The following USP30 variants were observed in gnomAD, a reference collection of about 807,000 sequenced individuals.
USP30 encodes ubiquitin specific peptidase 30, also known as ubiquitin carboxyl-terminal hydrolase 30.
A neutral mutation model predicts 68.2 loss-of-function variants in USP30; 41 were observed. The observed-to-expected ratio is 0.60, with a 90% CI of 0.47 to 0.78. The LOEUF is 0.78. USP30 is among the 30% of genes least tolerant of loss of function. The pLI is 0.00. For synonymous variants in USP30, 229 were observed against 253.7 expected (o/e 0.90, Z 0.93); for missense variants, 522 against 649.4 (o/e 0.80, Z 2.13).
intron 3 of USP30, among the ~76,000 whole-genome samples, chr12:109,045,711 G>C (rs1451491746): frequency 6.6e-6 from 1 of 152,168 alleles, no homozygotes; most frequent in Admixed American, 6.5e-5. Flanking sequence ...GGTCTTGTCG[G>C]TAACAAGTTT....
chr12:109,074,956 G>A (rs1306538026), intron 7 of USP30, among the ~76,000 whole-genome samples: 1 of 152,208 alleles, frequency 6.6e-6, no homozygotes, highest in Non-Finnish European at 1.5e-5. Flanking sequence ...ATAGGTATGA[G>A]ATCAGGTGGT....
intron 3 of USP30, among the ~76,000 whole-genome samples, chr12:109,059,579 T>C (rs2040993075): frequency 6.6e-6 from 1 of 152,168 alleles, no homozygotes. Context: ...AGTAGCACGA[T>C]CTCAGCTCAC....
At chr12:109,034,879 G>T (rs2040508121) in intron 3 of USP30, among the ~76,000 whole-genome samples, 1 of 150,620 alleles carries the variant, frequency 6.6e-6, no homozygotes, top group Admixed American at 6.6e-5. Flanking sequence ...AAGATTTTTT[G>T]GTTTTGAGTA....
chr12:109,068,475 G>T (rs1204913515), intron 4 of USP30, among the ~76,000 whole-genome samples: 1 of 151,486 alleles, frequency 6.6e-6, no homozygotes, highest in African/African-American at 2.5e-5. Context: ...TTATTCTGAA[G>T]CCACAGGTCA....
chr12:109,031,577 A>G (rs1349308520), intron 3 of USP30, among the ~76,000 whole-genome samples: 2 of 152,258 alleles, frequency 1.3e-5, no homozygotes, highest in Non-Finnish European at 2.9e-5. Flanking sequence ...TATTCACAAT[A>G]GCCAAACAGT....
In USP30 at chr12:109,070,476, C is replaced by G. The variant is rs1378083935; in HGVS notation, c.481-1136C>G. On this transcript the variant is annotated intron_variant, in intron 4 of 12. Coordinates refer to ENST00000257548, the MANE Select transcript of USP30 (RefSeq NM_032663.5). The surrounding 1 kb of genome is among the most constrained non-coding windows in gnomAD (Gnocchi z 4.0). ...GAATAAGCTGGATATGTTCAAGGAACAGCAAAGAGGCCAGGGGCCGGGACA... is the reference window on the plus strand; with the variant it reads ...GAATAAGCTGGATATGTTCAAGGAAGAGCAAAGAGGCCAGGGGCCGGGACA... 6.6e-6 allele frequency among the ~76,000 whole-genome samples: 1 copy of G among 152,020 alleles called. No homozygotes were observed. Among genetic ancestry groups the G allele is most frequent in the Non-Finnish European group, 1.5e-5 (1 of 67,990 alleles).
At chr12:109,025,057 C>A (rs142196889) in exon 2 of USP30, 55 of 152,360 alleles carry the variant, frequency 3.6e-4, no homozygotes, top group African/African-American at 1.2e-3. Context: ...CCAGACAGAA[C>A]AGAAACAGAG....
At chr12:109,038,970 T>C (rs1249686326) in intron 3 of USP30, among the ~76,000 whole-genome samples, 2 of 152,260 alleles carry the variant, frequency 1.3e-5, no homozygotes. Flanking sequence ...TTTCTTCTTA[T>C]TGAATTGCAA....
At chr12:109,073,959 C>A (rs917472909) in intron 7 of USP30, among the ~76,000 whole-genome samples, 1 of 152,156 alleles carries the variant, frequency 6.6e-6, no homozygotes, top group Non-Finnish European at 1.5e-5. Flanking sequence ...TTACTGACTC[C>A]GGGATCAGTC....
At chr12:109,060,079 A>G (rs989022603) in intron 3 of USP30, 1 of 152,242 alleles carries the variant, frequency 6.6e-6, no homozygotes, top group African/African-American at 2.4e-5. Flanking sequence ...GGAAAATGAT[A>G]AAGTAATCGA....
intron 3 of USP30, among the ~76,000 whole-genome samples, chr12:109,058,935 G>A (rs906826206): frequency 6.6e-6 from 1 of 152,216 alleles, no homozygotes; most frequent in Non-Finnish European, 1.5e-5. Context: ...GTGTAACTTA[G>A]TGCCACTTTT....
Position 109,038,234 on chromosome 12 carries a change from T to C in USP30, c.-135-9356T>C, listed in dbSNP as rs2040536344. On this transcript the variant is annotated intron_variant, in intron 3 of 15. Coordinates refer to the USP30 transcript ENST00000392784. ...CCCTCCCCACCTGCCAGTTTCCATG[T>C]GTTCTCACCATGCAGCTCCCAATTG... 3.8e-5 allele frequency among the ~76,000 whole-genome samples: 5 copies of C among 133,120 alleles called. No homozygotes were observed. In the South Asian group the frequency reaches 1.2e-3, roughly 33 times the overall value. 87.3% of individuals were successfully genotyped at this position (133,120 alleles called of 152,430 possible).
intron 11 of USP30, among the ~76,000 whole-genome samples, chr12:109,084,749 T>C (rs2041900047): frequency 1.3e-5 from 2 of 152,260 alleles, no homozygotes; most frequent in Non-Finnish European, 1.5e-5. Flanking sequence ...AGATACACTT[T>C]TCCTATTTGG....
intron 3 of USP30, among the ~76,000 whole-genome samples, chr12:109,058,566 C>A: frequency 1.0e-5 from 1 of 97,296 alleles, no homozygotes; most frequent in African/African-American, 3.8e-5. Flanking sequence ...GAGCGAAACT[C>A]CGTCTCAAAA....
rs1220695564 is a variant in USP30, at chr12:109,086,330, A to G, written c.*399A>G. On this transcript the variant is annotated 3_prime_UTR_variant, in exon 13 of 13. Transcript: ENST00000257548. ...TATTTTTAATAAGCAGGCCCATAAA[A>G]ATTGTTGACAAGAATTAATGAAATT... The G allele has an allele frequency of 1.2e-5, 2 of 163,768 alleles. No homozygotes were observed. Among genetic ancestry groups the G allele is most frequent in the Non-Finnish European group, 2.6e-5 (2 of 75,614 alleles). 10.1% of individuals were successfully genotyped at this position (163,768 alleles called of 1,614,324 possible).
intron 7 of USP30, among the ~76,000 whole-genome samples, chr12:109,079,353 T>TTTTTTTTTTTTTTTTTTTTTTTTTTC (rs1406871922): frequency 3.8e-5 from 3 of 79,318 alleles, no homozygotes; most frequent in South Asian, 5.3e-4. Flanking sequence ...TTTTTTTTCT[T>TTTTTTTTTTTTTTTTTTTTTTTTTTC]TTTTTTTTTT....
At chr12:109,060,049 G>A (rs2041014932) in intron 3 of USP30, 1 of 152,206 alleles carries the variant, frequency 6.6e-6, no homozygotes, top group Non-Finnish European at 1.5e-5. Flanking sequence ...GCCGGGTAGT[G>A]GTTGGCTAGC....
At chr12:109,050,829 AC>A (rs2040656964), upstream of USP30, among the ~76,000 whole-genome samples, 1 of 151,848 alleles carries the variant, frequency 6.6e-6, no homozygotes, top group Non-Finnish European at 1.5e-5. Context: ...ACATGGTGAA[AC>A]CCCGTCTCTA....
At chr12:109,041,916 A>G (rs2040568005) in intron 3 of USP30, among the ~76,000 whole-genome samples, 1 of 152,150 alleles carries the variant, frequency 6.6e-6, no homozygotes, top group Non-Finnish European at 1.5e-5. Flanking sequence ...ATTCAGAATG[A>G]CTGCATAAAG....
Sources: gnomAD v4.1 joint callset for allele counts (sites outside exome capture counted in the v4.1 genomes callset) on GRCh38, gnomAD v4.1.1 for gene constraint, Gnocchi (gnomAD v3.1) non-coding constraint, MANE v1.5 for transcripts, NCBI Gene and HGNC (gene_info 2026-07-23, HGNC 2026-07-21) for gene names.